Variants in CDKAL1 observed in about 807,000 individuals in gnomAD.
The protein encoded by CDKAL1 is CDKAL1 threonylcarbamoyladenosine tRNA methylthiotransferase, also known as threonylcarbamoyladenosine tRNA methylthiotransferase.
In CDKAL1, 32 loss-of-function variants were observed where a neutral mutation model predicts 68.2. The observed-to-expected ratio is 0.47, with a 90% CI of 0.35 to 0.63. The LOEUF is 0.63. Ranked by LOEUF, CDKAL1 falls within the 30% of genes least tolerant of loss-of-function variation. The pLI is 0.00. For synonymous variants in CDKAL1, 234 were observed against 244.3 expected (o/e 0.96, Z 0.39); for missense variants, 606 against 696.7 (o/e 0.87, Z 1.47).
chr6:20,805,566 A>G (rs1454908853), intron 8 of CDKAL1, among the ~76,000 whole-genome samples: 1 of 152,236 alleles, frequency 6.6e-6, no homozygotes, highest in East Asian at 1.9e-4. Context: ...TGTGTTTATT[A>G]TGTGGTAACT....
chr6:20,798,435 A>T (rs1010866152), intron 8 of CDKAL1, among the ~76,000 whole-genome samples: 2 of 152,186 alleles, frequency 1.3e-5, no homozygotes, highest in African/African-American at 4.8e-5. Flanking sequence ...ACCAGGGTAG[A>T]TTGAAAATTG....
intron 13 of CDKAL1, among the ~76,000 whole-genome samples, chr6:21,174,000 T>G (rs969151782): frequency 3.3e-5 from 5 of 151,988 alleles, no homozygotes; most frequent in Non-Finnish European, 7.4e-5. Flanking sequence ...AGTGCAGGAA[T>G]TTGAGGCAGC....
intron 15 of CDKAL1, among the ~76,000 whole-genome samples, chr6:21,208,676 C>T (rs565165527): frequency 2.2e-4 from 33 of 152,188 alleles, no homozygotes; most frequent in African/African-American, 7.7e-4. Flanking sequence ...ACGTCACAAA[C>T]AATTAAAACC....
At chr6:20,706,418 G>A (rs1019980847) in intron 5 of CDKAL1, among the ~76,000 whole-genome samples, 2 of 152,198 alleles carry the variant, frequency 1.3e-5, no homozygotes, top group African/African-American at 2.4e-5. Flanking sequence ...ATGCTCATAT[G>A]CTGATCCAAC....
intron 12 of CDKAL1, 86 bp downstream of exon 12, chr6:21,065,314 A>G (rs976099299): frequency 1.6e-5 from 17 of 1,050,882 alleles, no homozygotes; most frequent in Non-Finnish European, 2.4e-5. Context: ...CAACTTGCTC[A>G]TGTTATAACC....
intron 4 of CDKAL1, among the ~76,000 whole-genome samples, chr6:20,639,358 AC>A (rs1251442309): frequency 6.6e-6 from 1 of 152,064 alleles, no homozygotes; most frequent in Non-Finnish European, 1.5e-5. Context: ...TACAGACACC[AC>A]CACCATACAA....
intron 13 of CDKAL1, among the ~76,000 whole-genome samples, chr6:21,160,828 T>C (rs9465977): frequency 0.25 from 38,023 of 151,250 alleles, 5,142 homozygotes; most frequent in African/African-American, 0.33. Context: ...TTTTTAGCCC[T>C]GCGTGCAGGT....
chr6:20,653,597 G>A lies in CDKAL1; in HGVS notation c.371+4220G>A, dbSNP rs573167345. On this transcript the variant is annotated intron_variant, in intron 5 of 15. Coordinates refer to ENST00000274695, the MANE Select transcript of CDKAL1 (RefSeq NM_017774.3). ...CTCCCGGGTACCTGGGATCACAGGCGGGCGCCACCACACCCGGCTAATTTT... is the reference window on the plus strand; with the variant it reads ...CTCCCGGGTACCTGGGATCACAGGCAGGCGCCACCACACCCGGCTAATTTT... Among the ~76,000 whole-genome samples the A allele has an allele frequency of 1.6e-3, 238 of 151,524 alleles. 1 individual carries two copies. The South Asian group carries it at 0.019, about 12-fold the overall frequency.
intron 11 of CDKAL1, among the ~76,000 whole-genome samples, chr6:21,055,098 A>G (rs1418154361): frequency 6.6e-6 from 1 of 152,174 alleles, no homozygotes; most frequent in East Asian, 1.9e-4. Context: ...AGTTTTCTGA[A>G]TCTGTTAAGA....
At chr6:21,176,839 C>T (rs574951989) in intron 13 of CDKAL1, among the ~76,000 whole-genome samples, 22 of 149,834 alleles carry the variant, frequency 1.5e-4, no homozygotes, top group Admixed American at 9.4e-4. Context: ...GGATTACAGG[C>T]GCCTGCCACA....
intron 5 of CDKAL1, among the ~76,000 whole-genome samples, chr6:20,716,208 A>G (rs973263348): frequency 2.6e-5 from 4 of 152,194 alleles, no homozygotes; most frequent in African/African-American, 9.6e-5. Flanking sequence ...TTTCAAAATA[A>G]AAACAGGATT....
intron 13 of CDKAL1, among the ~76,000 whole-genome samples, chr6:21,188,152 A>G (rs957481205): frequency 2.6e-5 from 4 of 152,120 alleles, no homozygotes; most frequent in African/African-American, 7.2e-5. Flanking sequence ...TCATTAGTAT[A>G]TATGTCATAC....
chr6:20,913,620 C>T (rs576443882), intron 9 of CDKAL1, among the ~76,000 whole-genome samples: 1 of 152,322 alleles, frequency 6.6e-6, no homozygotes, highest in African/African-American at 2.4e-5. Flanking sequence ...TGACTCCACA[C>T]TGCCCAACTG....
intron 5 of CDKAL1, among the ~76,000 whole-genome samples, chr6:20,665,399 A>G (rs1769487059): frequency 6.6e-6 from 1 of 152,132 alleles, no homozygotes; most frequent in Non-Finnish European, 1.5e-5. Flanking sequence ...AATATACTAG[A>G]AGACCTAATC....
intron 10 of CDKAL1, among the ~76,000 whole-genome samples, chr6:20,977,597 G>A (rs1338065042): frequency 6.6e-6 from 1 of 152,128 alleles, no homozygotes; most frequent in Non-Finnish European, 1.5e-5. Context: ...TATAGGCTGG[G>A]CATGGTGCTT....
intron 13 of CDKAL1, among the ~76,000 whole-genome samples, chr6:21,176,763 T>TGGCTC: frequency 6.7e-6 from 1 of 148,720 alleles, no homozygotes; most frequent in South Asian, 2.1e-4. Context: ...GGCACGATCT[T>TGGCTC]GGCTCAGCGC....
At chr6:20,876,601 C>T (rs1034763174) in intron 9 of CDKAL1, among the ~76,000 whole-genome samples, 9 of 152,006 alleles carry the variant, frequency 5.9e-5, no homozygotes, top group African/African-American at 2.2e-4. Flanking sequence ...TTTGAGCATG[C>T]AGGAGACAGG....
chr6:20,735,341 G>T (rs1170251826), intron 5 of CDKAL1, among the ~76,000 whole-genome samples: 1 of 152,160 alleles, frequency 6.6e-6, no homozygotes, highest in Non-Finnish European at 1.5e-5. Flanking sequence ...CTGCATGGCT[G>T]GGAAAGCCTC....
chr6:20,656,410 G>A (rs535527249), intron 5 of CDKAL1, among the ~76,000 whole-genome samples: 22 of 152,248 alleles, frequency 1.4e-4, no homozygotes, highest in African/African-American at 5.3e-4. Context: ...TCAAGTTTAG[G>A]AGCAGAAGAA....
Sources: gnomAD v4.1 joint callset for allele counts (sites outside exome capture counted in the v4.1 genomes callset) on GRCh38, gnomAD v4.1.1 for gene constraint, MANE v1.5 for transcripts, NCBI Gene and HGNC (gene_info 2026-07-23, HGNC 2026-07-21) for gene names.